The following B4GALT6 variants were observed in gnomAD, a reference collection of about 807,000 sequenced individuals.
The protein encoded by B4GALT6 is beta-1,4-galactosyltransferase 6.
Under a neutral mutation model 46.3 loss-of-function variants are expected in B4GALT6, and 14 were observed. That is an observed-to-expected ratio of 0.30 (90% CI 0.20 to 0.47). The LOEUF (loss-of-function observed/expected upper bound fraction) is 0.47, where lower values mean the gene tolerates loss of function less well. B4GALT6 is among the 20% of genes least tolerant of loss of function. The probability of loss-of-function intolerance (pLI) is 0.99; values close to 1 mark genes in which losing one functional copy is unlikely to be tolerated. For synonymous variants in B4GALT6, 168 were observed against 162.0 expected, an observed-to-expected ratio of 1.04 and a Z score of -0.28; for missense variants, 386 against 480.1, an observed-to-expected ratio of 0.80 and a Z score of 1.83.
At chr18:31,716,240 A>C in the B4GALT6 span, among the ~76,000 whole-genome samples, 1 of 152,220 alleles carries the variant, frequency 6.6e-6, no homozygotes, top group Non-Finnish European at 1.5e-5. Flanking sequence ...TCAATTCTAA[A>C]GCAGAAGGAG....
chr18:31,717,821 G>A, the B4GALT6 span, among the ~76,000 whole-genome samples: 2 of 152,046 alleles, frequency 1.3e-5, no homozygotes, highest in African/African-American at 4.8e-5. Context: ...GAGCGTGGTG[G>A]CACATGCCTG....
chr18:31,670,382 A>G (rs966432438), intron 1 of B4GALT6, among the ~76,000 whole-genome samples: 1 of 151,562 alleles, frequency 6.6e-6, no homozygotes, highest in Admixed American at 6.6e-5. Context: ...TGGTACCTCT[A>G]ACAAAGGTGA....
the B4GALT6 span, among the ~76,000 whole-genome samples, chr18:31,715,611 C>T: frequency 1.3e-3 from 179 of 134,216 alleles, 1 homozygote; most frequent in African/African-American, 5.0e-3. Context: ...AGTGCAATAG[C>T]ACGATCTCAG....
the B4GALT6 span, among the ~76,000 whole-genome samples, chr18:31,712,287 A>ATTTTTTTTTTT: frequency 5.9e-4 from 50 of 84,624 alleles, 3 homozygotes; most frequent in Non-Finnish European, 7.6e-4. Context: ...CTGGGACGTT[A>ATTTTTTTTTTT]TTTTTTTTTT....
At chr18:31,656,099 G>A (rs2074135129) in intron 3 of B4GALT6, among the ~76,000 whole-genome samples, 1 of 152,282 alleles carries the variant, frequency 6.6e-6, no homozygotes, top group South Asian at 2.1e-4. Flanking sequence ...GATGATCTGG[G>A]TGATTCTGAT....
the B4GALT6 span, among the ~76,000 whole-genome samples, chr18:31,697,130 G>C: frequency 6.6e-6 from 1 of 152,052 alleles, no homozygotes; most frequent in African/African-American, 2.4e-5. Context: ...AAATTAGCTG[G>C]GCATGGTGGT....
At chr18:31,625,783 CA>C in intron 8 of B4GALT6, 22 bp from the exon 9 acceptor site, 3 of 1,551,226 alleles carry the variant, frequency 1.9e-6, no homozygotes. Context: ...GAGGAAAAAA[CA>C]AAAAAGCAAC....
intron 5 of B4GALT6, among the ~76,000 whole-genome samples, chr18:31,633,170 G>C (rs891666902): frequency 1.3e-5 from 2 of 152,076 alleles, no homozygotes; most frequent in Non-Finnish European, 2.9e-5. Flanking sequence ...ATGTTCATAG[G>C]TTTCTGATTC....
At chr18:31,710,119 A>T in the B4GALT6 span, among the ~76,000 whole-genome samples, 1 of 151,980 alleles carries the variant, frequency 6.6e-6, no homozygotes, top group Non-Finnish European at 1.5e-5. Context: ...GAAAAGAAAA[A>T]AATAAGAAAT....
chr18:31,689,412 C>A (rs139152384), upstream of B4GALT6, among the ~76,000 whole-genome samples: 309 of 151,824 alleles, frequency 2.0e-3, 5 homozygotes, highest in African/African-American at 6.9e-3. Context: ...CAGTGCCTTC[C>A]ATGGTAAGGG....
At chr18:31,639,815 T>C (rs920175884) in intron 4 of B4GALT6, among the ~76,000 whole-genome samples, 1 of 152,188 alleles carries the variant, frequency 6.6e-6, no homozygotes, top group Non-Finnish European at 1.5e-5. Flanking sequence ...AAACACCATT[T>C]ATATAAAATG....
intron 1 of B4GALT6, among the ~76,000 whole-genome samples, chr18:31,679,497 G>A (rs773902605): frequency 3.9e-5 from 6 of 152,120 alleles, no homozygotes; most frequent in Non-Finnish European, 2.9e-5. Flanking sequence ...AAATCCCATC[G>A]GATACTTTCA....
intron 4 of B4GALT6, 40 bp from the exon 5 acceptor site, chr18:31,638,800 T>G: frequency 2.8e-6 from 4 of 1,453,944 alleles, no homozygotes; most frequent in Non-Finnish European, 3.9e-6. Context: ...TAAATATATC[T>G]ACCACATCCT....
At chr18:31,626,907 A>G (rs2073706213) in intron 7 of B4GALT6, 92 bp downstream of exon 7, 1 of 1,108,584 alleles carries the variant, frequency 9.0e-7, no homozygotes, top group African/African-American at 1.7e-5. Context: ...CATCCCAAAG[A>G]ATGTTCTTGG....
chr18:31,724,397 C>G, the B4GALT6 span: 1 of 1,097,982 alleles, frequency 9.1e-7, no homozygotes, highest in Non-Finnish European at 1.1e-6. Flanking sequence ...CTGGGGCCAA[C>G]TTAGCCCTGG....
the B4GALT6 span, chr18:31,724,392 G>C: frequency 9.1e-7 from 1 of 1,101,242 alleles, no homozygotes; most frequent in Non-Finnish European, 1.1e-6. Context: ...ACTCCCTGGG[G>C]CCAACTTAGC....
chr18:31,696,869 C>T, the B4GALT6 span, among the ~76,000 whole-genome samples: 7 of 152,148 alleles, frequency 4.6e-5, no homozygotes, highest in Non-Finnish European at 8.8e-5. Context: ...TTATTTTGCC[C>T]TCACTACTAA....
upstream of B4GALT6, among the ~76,000 whole-genome samples, chr18:31,684,978 G>A (rs1254545825): frequency 4.1e-5 from 6 of 147,236 alleles, no homozygotes; most frequent in African/African-American, 1.5e-4. Flanking sequence ...GCCTGCGCGG[G>A]GCTAGCGTGG....
the B4GALT6 span, among the ~76,000 whole-genome samples, chr18:31,720,957 C>A: frequency 0.076 from 11,552 of 152,190 alleles, 1,005 homozygotes; most frequent in African/African-American, 0.21. Context: ...CATTTGTTTT[C>A]AAACAGAGAA....
Sources: allele counts gnomAD v4.1 joint callset (sites outside exome capture counted in the v4.1 genomes callset), GRCh38; gene constraint gnomAD v4.1.1; transcripts MANE v1.5; gene names NCBI Gene and HGNC (gene_info 2026-07-23, HGNC 2026-07-21).